Variants in MVB12B observed in about 807,000 individuals in gnomAD.
MVB12B encodes the protein multivesicular body subunit 12B.
Under a neutral mutation model 41.6 loss-of-function variants are expected in MVB12B, and 16 were observed. The ratio of observed to expected loss-of-function variants is 0.38; its 90% CI spans 0.26 to 0.58. The LOEUF (loss-of-function observed/expected upper bound fraction) is 0.58, where lower values mean the gene tolerates loss of function less well. MVB12B is among the 20% of genes least tolerant of loss of function. MVB12B has a pLI of 0.62. For synonymous variants in MVB12B, 133 were observed against 139.7 expected (o/e 0.95, Z 0.34); for missense variants, 274 against 380.2 (o/e 0.72, Z 2.32).
chr9:126,418,353 C>T (rs1281526623), intron 6 of MVB12B, among the ~76,000 whole-genome samples: 6 of 152,124 alleles, frequency 3.9e-5, no homozygotes, highest in African/African-American at 1.4e-4. Context: ...TGTTCATATA[C>T]TTTTTTGTGG....
At chr9:126,354,775 G>T (rs1457761937) in intron 2 of MVB12B, among the ~76,000 whole-genome samples, 1 of 152,168 alleles carries the variant, frequency 6.6e-6, no homozygotes, top group Non-Finnish European at 1.5e-5. Flanking sequence ...TCTGGGGACA[G>T]GGTATATAGG....
At chr9:126,369,723 A>C (rs1830284120) in intron 2 of MVB12B, among the ~76,000 whole-genome samples, 1 of 152,068 alleles carries the variant, frequency 6.6e-6, no homozygotes, top group African/African-American at 2.4e-5. Flanking sequence ...GCGCAATCTC[A>C]GCTCACTGCA....
Position 126,376,416 on chromosome 9 carries a change from G to A in MVB12B, c.205-4648G>A. ...TGTCTGAGCCTGTCCCCAGTGCCTG[G>A]TGACCCTTTGTTGTGGGTTGGGATT... On this transcript the variant is annotated intron_variant, in intron 2 of 9. Transcript: ENST00000361171. This position sits in a 1 kb window ranked among gnomAD's most constrained non-coding sequence, Gnocchi z 4.1. The A allele has an allele frequency of 1.0e-6, 1 of 965,004 alleles. No individual in the cohort carries two copies. The highest frequency in any genetic ancestry group is 1.4e-6 in the Non-Finnish European group (1 of 694,288). The allele number at this position is 965,004 out of a possible 1,614,324, so 59.8% of individuals were successfully genotyped here.
In MVB12B at chr9:126,386,641, A is replaced by G; in HGVS notation, c.392A>G (p.Gln131Arg). Reference sequence around the variant, plus strand: ...CTGCCTGTGGGCTTCATCCCAATTCAGGAGACGGTGGACACACGTGAGTCA... The same window carrying G: ...CTGCCTGTGGGCTTCATCCCAATTCGGGAGACGGTGGACACACGTGAGTCA... ...DTLPVGFIPI[Q>R]ETVDTQEVAF... The change falls in exon 4 of 10, where the codon CAG (glutamine) becomes CGG (arginine). Residue 131 changes from glutamine (Q) to arginine (R), a missense_variant. By Grantham distance (43) the Gln-to-Arg change is conservative. Coordinates refer to ENST00000361171, the MANE Select transcript of MVB12B (RefSeq NM_033446.3). The surrounding 1 kb of genome is among the most constrained non-coding windows in gnomAD (Gnocchi z 4.3). 6.2e-7 allele frequency: 1 copy of G among 1,613,506 alleles called. No individual in the cohort carries two copies. Among genetic ancestry groups the G allele is most frequent in the Non-Finnish European group, 8.5e-7 (1 of 1,179,434 alleles).
At chr9:126,502,557 C>T (rs1015757693) in intron 9 of MVB12B, among the ~76,000 whole-genome samples, 1 of 152,136 alleles carries the variant, frequency 6.6e-6, no homozygotes, top group Non-Finnish European at 1.5e-5. Context: ...GGGCAGCTGC[C>T]CTGGCCCCGC....
chr9:126,357,041 C>T (rs778486158), intron 2 of MVB12B, among the ~76,000 whole-genome samples: 4 of 152,150 alleles, frequency 2.6e-5, no homozygotes, highest in African/African-American at 9.7e-5. Flanking sequence ...CATCACTCCC[C>T]CAACCCCACT....
At chr9:126,445,584 T>C (rs1832747327) in intron 7 of MVB12B, among the ~76,000 whole-genome samples, 1 of 152,258 alleles carries the variant, frequency 6.6e-6, no homozygotes, top group South Asian at 2.1e-4. Flanking sequence ...ATTACAGGCG[T>C]GAGCCACCGC....
At chr9:126,341,297 G>A (rs1286084774) in intron 2 of MVB12B, among the ~76,000 whole-genome samples, 1 of 152,198 alleles carries the variant, frequency 6.6e-6, no homozygotes, top group Non-Finnish European at 1.5e-5. Context: ...ATTGGAACTG[G>A]TTATGTTGTT....
chr9:126,427,436 C>G (rs772082086), intron 7 of MVB12B, among the ~76,000 whole-genome samples: 8 of 152,146 alleles, frequency 5.3e-5, no homozygotes, highest in Non-Finnish European at 8.8e-5. Context: ...GAGGGGCCAC[C>G]AAGGAGAGCA....
chr9:126,412,962 T>C (rs921492217), intron 6 of MVB12B, among the ~76,000 whole-genome samples: 2 of 152,236 alleles, frequency 1.3e-5, no homozygotes, highest in Non-Finnish European at 2.9e-5. Context: ...TAGTATTATA[T>C]GAAAATTCCA....
At chr9:126,453,793 A>G (rs56075659) in intron 7 of MVB12B, among the ~76,000 whole-genome samples, 20,778 of 152,228 alleles carry the variant, frequency 0.14, 1,865 homozygotes, top group East Asian at 0.44. Flanking sequence ...ATGTGCACAC[A>G]TGACACGTGT....
At chr9:126,396,201 G>T in intron 6 of MVB12B, 3 of 986,710 alleles carry the variant, frequency 3.0e-6, no homozygotes, top group Non-Finnish European at 3.6e-6. Context: ...GGAAATGCTA[G>T]TTTTAACAAT....
intron 7 of MVB12B, among the ~76,000 whole-genome samples, chr9:126,441,343 TTC>T (rs1253595856): frequency 6.6e-6 from 1 of 152,158 alleles, no homozygotes; most frequent in African/African-American, 2.4e-5. Context: ...CTAGGAAGAC[TTC>T]TGTTTGGTGA....
At chr9:126,383,160 A>G (rs772980471) in intron 3 of MVB12B, among the ~76,000 whole-genome samples, 7 of 152,234 alleles carry the variant, frequency 4.6e-5, no homozygotes, top group Admixed American at 2.0e-4. Flanking sequence ...CAGCCAGTCT[A>G]TGCTGGCCCT....
rs1313905405 is a variant in MVB12B at position 126,395,625 on chromosome 9, A to G, written c.590A>G (p.Asn197Ser). The change falls in exon 6 of 10, where the codon AAT becomes AGT. Residue 197 changes from asparagine (N) to serine (S), a missense_variant. By Grantham distance (46) the Asn-to-Ser change is conservative. Coordinates refer to ENST00000361171, the MANE Select transcript of MVB12B (RefSeq NM_033446.3). The surrounding 1 kb of genome is among the most constrained non-coding windows in gnomAD (Gnocchi z 4.9). ...TATCGAATGGGCAGAGTACCAAGAA[A>G]TCATGACTCATCTCAACCCACAACG... ...IWYRMGRVPR[N>S]HDSSQPTTPS... 6.2e-7 allele frequency: 1 copy of G among 1,614,158 alleles called. No homozygotes were observed. Among genetic ancestry groups the G allele is most frequent in the Non-Finnish European group, 8.5e-7 (1 of 1,180,018 alleles).
chr9:126,394,395 CA>C (rs1294417681), intron 5 of MVB12B, among the ~76,000 whole-genome samples: 1 of 151,996 alleles, frequency 6.6e-6, no homozygotes, highest in Non-Finnish European at 1.5e-5. Context: ...TTGATAAAAC[CA>C]AAGGCTTTTT....
At position 126,461,773 on chromosome 9, in the gene MVB12B, G is replaced by C. The variant is rs538655762; in HGVS notation, c.758-19596G>C. 2.6e-3 allele frequency among the ~76,000 whole-genome samples: 393 copies of C among 152,222 alleles called. 5 individuals carry two copies. Among genetic ancestry groups the C allele is most frequent in the African/African-American group, 9.3e-3 (387 of 41,538 alleles). The stretch of plus-strand genomic sequence containing the variant: ...AGCCTGGGCGTGGAGGTGGGCTCCC[G>C]GGGTGGGTGGGCTGGTGGGTGTCCA... On this transcript the variant is annotated intron_variant, in intron 7 of 9. Coordinates refer to ENST00000361171, the MANE Select transcript of MVB12B (RefSeq NM_033446.3).
At chr9:126,461,456 C>T (rs1833087676) in intron 7 of MVB12B, among the ~76,000 whole-genome samples, 1 of 152,166 alleles carries the variant, frequency 6.6e-6, no homozygotes, top group Non-Finnish European at 1.5e-5. Flanking sequence ...TTATCATCAA[C>T]CCAGCTCGCC....
intron 7 of MVB12B, among the ~76,000 whole-genome samples, chr9:126,423,155 A>G (rs1832074328): frequency 6.6e-6 from 1 of 152,224 alleles, no homozygotes; most frequent in South Asian, 2.1e-4. Flanking sequence ...AGAGGTGCAG[A>G]ACAGGCCTGT....
Sources: gnomAD v4.1 joint callset for allele counts (sites outside exome capture counted in the v4.1 genomes callset) on GRCh38, gnomAD v4.1.1 for gene constraint, Gnocchi (gnomAD v3.1) non-coding constraint, MANE v1.5 for transcripts, NCBI Gene and HGNC (gene_info 2026-07-23, HGNC 2026-07-21) for gene names.